ZNF423: variants seen among roughly 807,000 people sequenced by gnomAD.
ZNF423 encodes zinc finger protein 423.
A neutral mutation model predicts 95.8 loss-of-function variants in ZNF423; 12 were observed. The ratio of observed to expected loss-of-function variants is 0.13; its 90% CI spans 0.08 to 0.20. The LOEUF is 0.20. Ranked by LOEUF, ZNF423 falls within the 10% of genes least tolerant of loss-of-function variation. ZNF423 has a pLI of 1.00. For missense variants in ZNF423, 1,316 were observed against 1,737.1 expected (o/e 0.76, Z 4.31); for synonymous variants, 749 against 711.9 (o/e 1.05, Z -0.83).
chr16:49,493,431 G>A (rs1967048522), intron 7 of ZNF423, among the ~76,000 whole-genome samples: 1 of 152,164 alleles, frequency 6.6e-6, no homozygotes, highest in South Asian at 2.1e-4. Flanking sequence ...CCCAGGGCTG[G>A]GCATGCACTG....
chr16:49,724,341 G>A (rs2032948348), intron 3 of ZNF423, among the ~76,000 whole-genome samples: 1 of 152,282 alleles, frequency 6.6e-6, no homozygotes, highest in East Asian at 1.9e-4. Context: ...CTTAAGATAG[G>A]GGGCGGATAT....
intron 3 of ZNF423, among the ~76,000 whole-genome samples, chr16:49,675,568 C>T (rs1400035639): frequency 6.6e-6 from 1 of 152,122 alleles, no homozygotes; most frequent in Admixed American, 6.5e-5. Flanking sequence ...ACCCCACCCC[C>T]CTCCAGCTGC....
chr16:49,690,782 C>T (rs1328275807), intron 3 of ZNF423, among the ~76,000 whole-genome samples: 8 of 152,130 alleles, frequency 5.3e-5, no homozygotes, highest in Non-Finnish European at 1.2e-4. Flanking sequence ...GAGGTACCCC[C>T]GAGCGCTCCC....
chr16:49,751,508 G>A (rs1448764891), intron 2 of ZNF423, among the ~76,000 whole-genome samples: 5 of 152,132 alleles, frequency 3.3e-5, no homozygotes, highest in South Asian at 2.1e-4. Flanking sequence ...ATGAGCCACC[G>A]TGCCCAGCCT....
At chr16:49,810,614 A>T (rs1237504256) in intron 1 of ZNF423, among the ~76,000 whole-genome samples, 1 of 152,172 alleles carries the variant, frequency 6.6e-6, no homozygotes, top group African/African-American at 2.4e-5. Context: ...CCTCGTCTCC[A>T]CAGACAACTG....
intron 5 of ZNF423, among the ~76,000 whole-genome samples, chr16:49,577,863 G>A (rs925684228): frequency 6.6e-6 from 1 of 152,184 alleles, no homozygotes; most frequent in African/African-American, 2.4e-5. Flanking sequence ...ATTTGCCAGC[G>A]ATAGAGACCC....
upstream of ZNF423, among the ~76,000 whole-genome samples, chr16:49,859,199 G>A (rs556937974): frequency 6.4e-4 from 98 of 152,232 alleles, no homozygotes; most frequent in African/African-American, 2.3e-3. Context: ...GGGGCCTGCT[G>A]AAGACTGAGG....
At chr16:49,667,116 AACT>A (rs569356308) in intron 3 of ZNF423, among the ~76,000 whole-genome samples, 40 of 152,314 alleles carry the variant, frequency 2.6e-4, no homozygotes, top group African/African-American at 9.6e-4. Context: ...GTTGAAATCC[AACT>A]CCACCACTTA....
rs147895345 is a variant in ZNF423, at chr16:49,699,889, A to G, written c.301+30882T>C. On this transcript the variant is annotated intron_variant, in intron 3 of 7. Transcript: ENST00000563137. ...AGGCCAAGTGAGGGCCAAAGTCTCCAAGAGGGAGGAGGACAGAAAAATAGT... is the reference window on the plus strand; with the variant it reads ...AGGCCAAGTGAGGGCCAAAGTCTCCGAGAGGGAGGAGGACAGAAAAATAGT... 9.4e-3 allele frequency among the ~76,000 whole-genome samples: 1,437 copies of G among 152,252 alleles called. 9 individuals carry two copies. Among genetic ancestry groups the G allele is most frequent in the Non-Finnish European group, 0.013 (904 of 68,012 alleles).
chr16:49,511,360 G>A (rs948977099), intron 7 of ZNF423, among the ~76,000 whole-genome samples: 1 of 152,210 alleles, frequency 6.6e-6, no homozygotes, highest in Non-Finnish European at 1.5e-5. Flanking sequence ...GCTTCTAAGG[G>A]CTTTGAGAGT....
rs114457260 is a variant in ZNF423 at position 49,659,677 on chromosome 16, A to T, written c.302-20803T>A. ...ATGCAGGGGAGAGAGAAACTGATGG[A>T]GAGCGATCAGTCACCCCAGATCCTG... On this transcript the variant is annotated intron_variant, in intron 3 of 7. Coordinates refer to ENST00000563137, the MANE Select transcript of ZNF423 (RefSeq NM_001379286.1). 5.1e-3 allele frequency among the ~76,000 whole-genome samples: 774 copies of T among 152,360 alleles called. 5 individuals are homozygous for T. The highest frequency in any genetic ancestry group is 0.017 in the African/African-American group (727 of 41,590).
chr16:49,795,044 G>A (rs1022606981), intron 1 of ZNF423, among the ~76,000 whole-genome samples: 7 of 151,824 alleles, frequency 4.6e-5, no homozygotes, highest in African/African-American at 1.7e-4. Context: ...GCTAAATTTT[G>A]TATTTGTAGT....
At chr16:49,647,461 G>T (rs1973222750) in intron 3 of ZNF423, among the ~76,000 whole-genome samples, 1 of 152,224 alleles carries the variant, frequency 6.6e-6, no homozygotes, top group Non-Finnish European at 1.5e-5. Flanking sequence ...TGGAATTAAG[G>T]TTGACAATTG....
At chr16:49,708,459 T>C (rs2143090368) in intron 3 of ZNF423, among the ~76,000 whole-genome samples, 1 of 152,206 alleles carries the variant, frequency 6.6e-6, no homozygotes, top group South Asian at 2.1e-4. Context: ...GCTAATTTTT[T>C]TTGTATTTTT....
rs796334305 is a variant in ZNF423 at position 49,672,839 on chromosome 16, C to CAATAA, written c.302-33970_302-33966dup. Among the ~76,000 whole-genome samples, 180 of 152,016 alleles carry CAATAA rather than the reference C, an allele frequency of 1.2e-3. 4 individuals carry two copies. Among genetic ancestry groups the CAATAA allele is most frequent in the African/African-American group, 3.4e-3 (140 of 41,466 alleles). On this transcript the variant is annotated intron_variant, in intron 3 of 7. Coordinates refer to ENST00000563137, the MANE Select transcript of ZNF423 (RefSeq NM_001379286.1). ...TCTCAAAAAAATTTAAAAATAAGTA[C>CAATAA]AATAAAATAAAATAAAATAAAAGCC...
intron 2 of ZNF423, among the ~76,000 whole-genome samples, chr16:49,738,224 C>A (rs1208559381): frequency 6.6e-6 from 1 of 152,208 alleles, no homozygotes; most frequent in Non-Finnish European, 1.5e-5. Flanking sequence ...GGCCTCAAAG[C>A]CCACACAAAG....
intron 3 of ZNF423, among the ~76,000 whole-genome samples, chr16:49,671,510 C>G (rs1041057997): frequency 6.6e-6 from 1 of 152,130 alleles, no homozygotes; most frequent in African/African-American, 2.4e-5. Flanking sequence ...TCCAAGCAAA[C>G]GAGCCCTCCC....
At chr16:49,792,079 T>C (rs899806508) in intron 1 of ZNF423, among the ~76,000 whole-genome samples, 2 of 151,160 alleles carry the variant, frequency 1.3e-5, no homozygotes, top group African/African-American at 4.9e-5. Flanking sequence ...GTAGGGGTGA[T>C]AGCTAAGGAT....
chr16:49,700,785 C>A (rs1484558082), intron 3 of ZNF423, among the ~76,000 whole-genome samples: 1 of 152,146 alleles, frequency 6.6e-6, no homozygotes, highest in East Asian at 1.9e-4. Flanking sequence ...TCTGCTGGGC[C>A]CACGGGACCA....
Sources: gnomAD v4.1 joint callset for allele counts (sites outside exome capture counted in the v4.1 genomes callset) on GRCh38, gnomAD v4.1.1 for gene constraint, MANE v1.5 for transcripts, NCBI Gene and HGNC (gene_info 2026-07-23, HGNC 2026-07-21) for gene names.